Variants in MINDY4 observed in about 807,000 individuals in gnomAD.
The protein encoded by MINDY4 is MINDY lysine 48 deubiquitinase 4, also known as probable ubiquitin carboxyl-terminal hydrolase MINDY-4.
MINDY4 carries 68 observed loss-of-function variants against 87.0 expected under a neutral mutation model. That is an observed-to-expected ratio of 0.78 (90% CI 0.64 to 0.96). MINDY4 has a LOEUF of 0.96. MINDY4 is among the 40% of genes least tolerant of loss of function. MINDY4 has a pLI of 0.00. For missense variants in MINDY4, 919 were observed against 928.2 expected (o/e 0.99, Z 0.13); for synonymous variants, 379 against 363.2 (o/e 1.04, Z -0.50).
intron 13 of MINDY4, among the ~76,000 whole-genome samples, chr7:30,871,273 T>C (rs7782345): frequency 6.6e-6 from 1 of 152,088 alleles, no homozygotes; most frequent in Non-Finnish European, 1.5e-5. Flanking sequence ...TCCTACTTCA[T>C]TCGGGTCTGG....
intron 9 of MINDY4, among the ~76,000 whole-genome samples, chr7:30,844,273 A>T (rs1173177631): frequency 6.6e-6 from 1 of 152,120 alleles, no homozygotes; most frequent in Non-Finnish European, 1.5e-5. Context: ...TGGCTTAGTT[A>T]TGGAGCTCGC....
rs779563876 is a variant in MINDY4 at position 30,852,222 on chromosome 7, G to A, written c.1554G>A (p.Ser518=). 3.0e-5 allele frequency: 48 copies of A among 1,613,996 alleles called. No homozygotes were observed. Among genetic ancestry groups the A allele is most frequent in the Admixed American group, 1.7e-4 (10 of 59,994 alleles). ...ACCTTCCTTTCCTTTTTAGGGCTTC[G>A]AGAACACAGCAGTTCAGTCCAACAG... ...GRERAVVALA[S]RTQQFSPTGK... is the part of the protein sequence containing the mutation. The change falls in exon 11 of 18, where the codon TCG becomes TCA. Residue 518 remains serine, a synonymous_variant. Coordinates refer to ENST00000265299, the MANE Select transcript of MINDY4 (RefSeq NM_032222.3).
In MINDY4 at chr7:30,872,240, C is replaced by T; in HGVS notation, c.1746-3C>T. 1 of 1,614,068 alleles carries T rather than the reference C, an allele frequency of 6.2e-7. No homozygotes were observed. The highest frequency in any genetic ancestry group is 8.5e-7 in the Non-Finnish European group (1 of 1,179,970). Reference sequence around the variant, plus strand: ...TGCTAACAATGCTTCTTGTGTTTTCCAGCATCCGCCAGGACTTTGATGTCC... The same window carrying T: ...TGCTAACAATGCTTCTTGTGTTTTCTAGCATCCGCCAGGACTTTGATGTCC... On this transcript the variant is annotated splice_polypyrimidine_tract_variant and splice_region_variant and intron_variant, in intron 13 of 17. Transcript: ENST00000265299.
intron 5 of MINDY4, among the ~76,000 whole-genome samples, chr7:30,793,767 G>A (rs1227742418): frequency 1.3e-5 from 2 of 152,154 alleles, no homozygotes; most frequent in Admixed American, 6.5e-5. Flanking sequence ...GTAAAGCTGA[G>A]CCTAAATGCC....
At position 30,892,355 on chromosome 7, in the gene MINDY4, T is replaced by C. The variant is rs899548284; in HGVS notation, c.*350T>C. 1.4e-5 allele frequency: 4 copies of C among 276,302 alleles called. No individual in the cohort carries two copies. Among genetic ancestry groups the C allele is most frequent in the African/African-American group, 8.7e-5 (4 of 45,966 alleles). The allele number at this position is 276,302 out of a possible 1,614,324, so 17.1% of individuals were successfully genotyped here. On this transcript the variant is annotated 3_prime_UTR_variant, in exon 18 of 18. Coordinates refer to ENST00000265299, the MANE Select transcript of MINDY4 (RefSeq NM_032222.3). ...GGCCCTGGGGACTCATTACTTCTGG[T>C]AGCTGGCTTTCTATAAAAATGGGTC...
chr7:30,784,248 T>G (rs928716796), intron 3 of MINDY4, among the ~76,000 whole-genome samples: 2 of 152,226 alleles, frequency 1.3e-5, no homozygotes, highest in Non-Finnish European at 2.9e-5. Flanking sequence ...TTGAAGCTCC[T>G]GAGTCCCACC....
chr7:30,890,392 A>G (rs556431804), intron 17 of MINDY4, among the ~76,000 whole-genome samples: 1 of 152,370 alleles, frequency 6.6e-6, no homozygotes, highest in Non-Finnish European at 1.5e-5. Flanking sequence ...GGGCAGAGCT[A>G]GGAGGAGAAT....
At chr7:30,869,024 C>T (rs534646220) in intron 13 of MINDY4, among the ~76,000 whole-genome samples, 1 of 152,318 alleles carries the variant, frequency 6.6e-6, no homozygotes, top group East Asian at 1.9e-4. Context: ...CCAGCAAGCT[C>T]TGCTCCCTGG....
chr7:30,857,038 A>G (rs1222746200), intron 12 of MINDY4, among the ~76,000 whole-genome samples: 1 of 152,214 alleles, frequency 6.6e-6, no homozygotes, highest in Non-Finnish European at 1.5e-5. Flanking sequence ...AGATCACAGA[A>G]TGAAGACGAG....
In MINDY4 at chr7:30,832,213, C is replaced by T. The variant is rs548232593; in HGVS notation, c.1132+3476C>T. Among the ~76,000 whole-genome samples, 8 of 152,300 alleles carry T rather than the reference C, an allele frequency of 5.3e-5. No homozygotes were observed. The South Asian group carries it at 1.0e-3, about 20-fold the overall frequency. ...TTTACTTCATGGGACCCAGGCAGAG[C>T]GTGTTTCAGGCCTGGATCCCTCCCT... On this transcript the variant is annotated intron_variant, in intron 6 of 17. Transcript: ENST00000265299.
At chr7:30,885,895 C>T (rs1160421111) in intron 17 of MINDY4, among the ~76,000 whole-genome samples, 1 of 152,174 alleles carries the variant, frequency 6.6e-6, no homozygotes, top group Non-Finnish European at 1.5e-5. Flanking sequence ...TTCCACTTCC[C>T]CCATCAATCC....
chr7:30,820,522 T>C (rs539557809), intron 5 of MINDY4, among the ~76,000 whole-genome samples: 5 of 152,294 alleles, frequency 3.3e-5, no homozygotes, highest in African/African-American at 1.2e-4. Context: ...TTTTTCTCCA[T>C]TCCTCCCCCA....
At chr7:30,791,703 A>G in intron 5 of MINDY4, 129 bp downstream of exon 5, 1 of 1,025,882 alleles carries the variant, frequency 9.7e-7, no homozygotes, top group South Asian at 1.9e-5. Context: ...CCTGCGAAGT[A>G]ACCGGCAAGG....
intron 3 of MINDY4, 70 bp from the exon 4 acceptor site, chr7:30,785,679 G>A (rs1787141837): frequency 1.9e-6 from 3 of 1,567,630 alleles, no homozygotes; most frequent in Non-Finnish European, 2.6e-6. Context: ...CATTGAATGT[G>A]GAATTTGCTA....
intron 7 of MINDY4, among the ~76,000 whole-genome samples, chr7:30,837,670 C>T (rs1009082424): frequency 4.6e-5 from 7 of 152,252 alleles, no homozygotes; most frequent in East Asian, 1.9e-4. Context: ...CTTTGCAGAG[C>T]GCACTTATGC....
At chr7:30,844,074 G>T (rs1789127022) in intron 9 of MINDY4, among the ~76,000 whole-genome samples, 1 of 152,120 alleles carries the variant, frequency 6.6e-6, no homozygotes. Flanking sequence ...GCAACTCTGG[G>T]TGCTGCTTGT....
intron 15 of MINDY4, among the ~76,000 whole-genome samples, chr7:30,878,367 C>G (rs1338453848): frequency 2.6e-5 from 4 of 152,166 alleles, no homozygotes; most frequent in African/African-American, 9.7e-5. Flanking sequence ...CAGGGTGTAC[C>G]TGGGGTAAAC....
chr7:30,774,038 A>G (rs1432777917), intron 1 of MINDY4, among the ~76,000 whole-genome samples: 1 of 152,218 alleles, frequency 6.6e-6, no homozygotes, highest in Non-Finnish European at 1.5e-5. Context: ...AGAGAAACAC[A>G]CACCACTATG....
intron 9 of MINDY4, among the ~76,000 whole-genome samples, chr7:30,845,096 T>C (rs1789163766): frequency 1.3e-5 from 2 of 152,176 alleles, no homozygotes; most frequent in African/African-American, 4.8e-5. Context: ...GCAAGAGGCA[T>C]GGAGCAGTGG....
Sources: gnomAD v4.1 joint callset for allele counts (sites outside exome capture counted in the v4.1 genomes callset) on GRCh38, gnomAD v4.1.1 for gene constraint, MANE v1.5 for transcripts, NCBI Gene and HGNC (gene_info 2026-07-23, HGNC 2026-07-21) for gene names.